CSMD1: variants seen among roughly 807,000 people sequenced by gnomAD.
CSMD1 encodes CUB and Sushi multiple domains 1, also known as CUB and sushi domain-containing protein 1.
Under a neutral mutation model 417.5 loss-of-function variants are expected in CSMD1, and 213 were observed. The observed-to-expected ratio is 0.51, with a 90% CI of 0.46 to 0.57. CSMD1 has a LOEUF of 0.57. Ranked by LOEUF, CSMD1 falls within the 20% of genes least tolerant of loss-of-function variation. The pLI, the probability that CSMD1 is intolerant of heterozygous loss-of-function variation, is 0.00. For missense variants in CSMD1, 6,923 were observed against 4,529.7 expected, an observed-to-expected ratio of 1.53 and a Z score of -15.17; for synonymous variants, 2,862 against 1,736.8, an observed-to-expected ratio of 1.65 and a Z score of -16.11.
At chr8:4,941,794 T>A (rs1326134538) in intron 1 of CSMD1, among the ~76,000 whole-genome samples, 1 of 152,054 alleles carries the variant, frequency 6.6e-6, no homozygotes, top group African/African-American at 2.4e-5. Context: ...GGACAGGGTC[T>A]CCCCATGTTG....
At chr8:4,141,945 A>C (rs1283182977) in intron 3 of CSMD1, among the ~76,000 whole-genome samples, 1 of 151,116 alleles carries the variant, frequency 6.6e-6, no homozygotes, top group African/African-American at 2.5e-5. Context: ...CCAAAATAAC[A>C]TCATGGTGTT....
At chr8:2,944,981 G>C (rs959181364) in intron 68 of CSMD1, among the ~76,000 whole-genome samples, 1 of 152,148 alleles carries the variant, frequency 6.6e-6, no homozygotes, top group African/African-American at 2.4e-5. Context: ...GTAAGAAGGT[G>C]TTTGTGAATT....
At chr8:3,667,350 G>T (rs1439725023) in intron 7 of CSMD1, among the ~76,000 whole-genome samples, 1 of 152,102 alleles carries the variant, frequency 6.6e-6, no homozygotes, top group African/African-American at 2.4e-5. Context: ...CCTTGTGTAG[G>T]ATGTCATGGA....
chr8:4,250,808 A>C (rs971555), intron 3 of CSMD1, among the ~76,000 whole-genome samples: 3 of 152,116 alleles, frequency 2.0e-5, no homozygotes, highest in African/African-American at 4.8e-5. Flanking sequence ...TGAAAGGCTT[A>C]ATTGTACTGG....
chr8:4,428,508 A>G (rs907006504), intron 2 of CSMD1, among the ~76,000 whole-genome samples: 3 of 152,174 alleles, frequency 2.0e-5, no homozygotes, highest in African/African-American at 4.8e-5. Context: ...ATCTCTCTCT[A>G]CATGTCAGAG....
At chr8:3,290,965 C>T (rs570424736) in intron 25 of CSMD1, among the ~76,000 whole-genome samples, 15 of 152,250 alleles carry the variant, frequency 9.9e-5, no homozygotes, top group Middle Eastern at 3.4e-3. Flanking sequence ...GTGGGTTTGT[C>T]ATAGATAGCT....
At position 3,189,067 on chromosome 8, in the gene CSMD1, G is replaced by A. The variant is rs1796262211; in HGVS notation, c.5399-56C>T. ...AAGTGCTGTGGGACAGTGTTGATTT[G>A]GCATGCAGTTTTCTTTCACTGTGTG... is the stretch of plus-strand genomic sequence containing the variant. On this transcript the variant is annotated intron_variant, in intron 34 of 69. Coordinates refer to ENST00000635120, the MANE Select transcript of CSMD1 (RefSeq NM_033225.6). 9.9e-6 allele frequency: 15 copies of A among 1,510,870 alleles called. No individual in the cohort carries two copies. The South Asian group carries it at 1.4e-4, about 14-fold the overall frequency. 93.6% of individuals were successfully genotyped at this position (1,510,870 alleles called of 1,614,324 possible).
chr8:3,281,298 G>A lies in CSMD1; in HGVS notation c.4153+2846C>T, dbSNP rs989232083. On this transcript the variant is annotated intron_variant, in intron 26 of 69. Coordinates refer to ENST00000635120, the MANE Select transcript of CSMD1 (RefSeq NM_033225.6). Reference sequence around the variant, plus strand: ...TCTAGGCTAAAAATACAAAAAAATAGCCAGGTGTGTTGGTGCGTGCTTGTA... The same window carrying A: ...TCTAGGCTAAAAATACAAAAAAATAACCAGGTGTGTTGGTGCGTGCTTGTA... 2.6e-5 allele frequency among the ~76,000 whole-genome samples: 4 copies of A among 151,802 alleles called. No individual in the cohort carries two copies. In the South Asian group the frequency reaches 6.2e-4, roughly 24 times the overall value.
At chr8:3,876,574 T>C (rs1805838027) in intron 5 of CSMD1, among the ~76,000 whole-genome samples, 1 of 152,138 alleles carries the variant, frequency 6.6e-6, no homozygotes, top group Non-Finnish European at 1.5e-5. Context: ...TAAAATGAGG[T>C]ACTGGCTTTT....
chr8:3,649,881 T>C (rs1475734365), intron 7 of CSMD1, among the ~76,000 whole-genome samples: 1 of 152,240 alleles, frequency 6.6e-6, no homozygotes, highest in Non-Finnish European at 1.5e-5. Flanking sequence ...TACACATTTT[T>C]TTGAATACTA....
At chr8:4,549,912 A>G (rs1224943595) in intron 2 of CSMD1, among the ~76,000 whole-genome samples, 1 of 150,750 alleles carries the variant, frequency 6.6e-6, no homozygotes, top group East Asian at 1.9e-4. Context: ...AAAAAAAAAA[A>G]AAAAAAAAGA....
At chr8:3,534,808 C>G (rs1243442122) in intron 10 of CSMD1, among the ~76,000 whole-genome samples, 3 of 152,208 alleles carry the variant, frequency 2.0e-5, no homozygotes, top group Non-Finnish European at 2.9e-5. Context: ...TCTCACACAA[C>G]ATTTTCTTTG....
chr8:4,715,997 T>C (rs948749265), intron 1 of CSMD1, among the ~76,000 whole-genome samples: 3 of 152,280 alleles, frequency 2.0e-5, no homozygotes, highest in Non-Finnish European at 2.9e-5. Flanking sequence ...ATCTTACCAG[T>C]GGTCCAAAGA....
At chr8:4,474,813 G>C (rs1284732498) in intron 2 of CSMD1, among the ~76,000 whole-genome samples, 1 of 152,104 alleles carries the variant, frequency 6.6e-6, no homozygotes, top group Non-Finnish European at 1.5e-5. Flanking sequence ...GAAGAATTTT[G>C]TGACCCCTTC....
At position 3,861,542 on chromosome 8, in the gene CSMD1, T is replaced by A. The variant is rs17067785; in HGVS notation, c.819-107500A>T. On this transcript the variant is annotated intron_variant, in intron 5 of 69. Coordinates refer to ENST00000635120, the MANE Select transcript of CSMD1 (RefSeq NM_033225.6). The stretch of plus-strand genomic sequence containing the variant: ...ATGCCTCTTGGGAGAATTCTGGGAT[T>A]TAACTCCACGTGAGCATTACTTGGG... Among the ~76,000 whole-genome samples, 1,155 of 152,280 alleles carry A rather than the reference T, an allele frequency of 7.6e-3. 20 individuals carry two copies. The highest frequency in any genetic ancestry group is 0.027 in the African/African-American group (1,103 of 41,548).
chr8:3,200,075 G>T (rs934001065), intron 32 of CSMD1, among the ~76,000 whole-genome samples: 8 of 151,902 alleles, frequency 5.3e-5, no homozygotes, highest in African/African-American at 1.9e-4. Context: ...ACCAATGGTA[G>T]GCCTATATAA....
Position 4,749,975 on chromosome 8 carries a change from T to C in CSMD1, c.86-112417A>G, listed in dbSNP as rs1376375233. On this transcript the variant is annotated intron_variant, in intron 1 of 69. Transcript: ENST00000635120. ...ATGGTTCCCTCAAGTGCCTGTTTAA[T>C]AAAACCCTTGTTTAATTGAAAAAAA... Among the ~76,000 whole-genome samples, 3 of 152,062 alleles carry C rather than the reference T, an allele frequency of 2.0e-5. No homozygotes were observed. In the South Asian group the frequency reaches 6.2e-4, roughly 32 times the overall value.
intron 18 of CSMD1, among the ~76,000 whole-genome samples, chr8:3,384,481 C>G (rs192952300): frequency 7.7e-4 from 117 of 151,260 alleles, no homozygotes; most frequent in Non-Finnish European, 1.4e-3. Flanking sequence ...TATTTCCATA[C>G]CAATTCCACA....
chr8:3,178,293 T>C (rs920549172), intron 37 of CSMD1, among the ~76,000 whole-genome samples: 1 of 152,088 alleles, frequency 6.6e-6, no homozygotes, highest in Non-Finnish European at 1.5e-5. Flanking sequence ...CATTTCTATA[T>C]GAGAAAAGAA....
Sources: gnomAD v4.1 joint callset for allele counts (sites outside exome capture counted in the v4.1 genomes callset) on GRCh38, gnomAD v4.1.1 for gene constraint, MANE v1.5 for transcripts, NCBI Gene and HGNC (gene_info 2026-07-23, HGNC 2026-07-21) for gene names.